Variants in CPLANE1 observed in about 807,000 individuals in gnomAD.
CPLANE1 encodes the protein ciliogenesis and planar polarity effector 1.
Under a neutral mutation model 362.5 loss-of-function variants are expected in CPLANE1, and 263 were observed. The observed-to-expected ratio is 0.73, with a 90% CI of 0.66 to 0.80. CPLANE1 has a LOEUF of 0.80. CPLANE1 is among the 30% of genes least tolerant of loss of function. CPLANE1 has a pLI of 0.00. For synonymous variants in CPLANE1, 1,212 were observed against 1,302.6 expected (o/e 0.93, Z 1.50); for missense variants, 3,461 against 3,793.4 (o/e 0.91, Z 2.30).
At chr5:37,192,940 A>C (rs1188384409) in intron 21 of CPLANE1, among the ~76,000 whole-genome samples, 7 of 149,762 alleles carry the variant, frequency 4.7e-5, no homozygotes, top group African/African-American at 1.7e-4. Flanking sequence ...AGGCCGAGGC[A>C]GGTGGATCAC....
At chr5:37,082,822 T>C in the CPLANE1 span, among the ~76,000 whole-genome samples, 1 of 151,132 alleles carries the variant, frequency 6.6e-6, no homozygotes, top group Non-Finnish European at 1.5e-5. Flanking sequence ...AAATAGACAT[T>C]AAGTCAAAAA....
At chr5:37,177,761 G>A in intron 29 of CPLANE1, 61 bp from the exon 30 acceptor site, 5 of 1,258,796 alleles carry the variant, frequency 4.0e-6, no homozygotes, top group Non-Finnish European at 5.7e-6. Flanking sequence ...TTACTGTCTT[G>A]AGTATTTTGA....
chr5:37,180,373 T>G (rs1474165140), intron 27 of CPLANE1, among the ~76,000 whole-genome samples, 190 bp from the exon 28 acceptor site: 2 of 152,138 alleles, frequency 1.3e-5, no homozygotes, highest in African/African-American at 2.4e-5. Flanking sequence ...TTATAAAATC[T>G]TTCTTTAAAA....
intron 32 of CPLANE1, 140 bp downstream of exon 32, chr5:37,173,614 CA>C (rs1196197554): frequency 2.7e-6 from 2 of 739,336 alleles, no homozygotes; most frequent in Non-Finnish European, 4.3e-6. Context: ...CAGTTATAAA[CA>C]TTTGAATGAA....
intron 41 of CPLANE1, among the ~76,000 whole-genome samples, chr5:37,156,944 G>C (rs1004865234): frequency 6.6e-6 from 1 of 152,054 alleles, no homozygotes; most frequent in African/African-American, 2.4e-5. Flanking sequence ...AATAAAAGTT[G>C]GGAAAAAAAG....
Position 37,142,428 on chromosome 5 carries a change from A to G in CPLANE1, c.8514T>C (p.Thr2838=), listed in dbSNP as rs760623510. The change falls in exon 44 of 53, where the codon ACT becomes ACC. Residue 2838 remains threonine (T), a synonymous_variant. Coordinates refer to ENST00000651892, the MANE Select transcript of CPLANE1 (RefSeq NM_001384732.1). ...CTGTTATTGAAAATTCAGGTTCTGAAGTCTCCTTTTTGTCACTTTGATCTT... is the reference window on the plus strand; with the variant it reads ...CTGTTATTGAAAATTCAGGTTCTGAGGTCTCCTTTTTGTCACTTTGATCTT... The part of the protein sequence containing the change: ...DEEDQSDKKE[T]SEPEFSITEN... The G allele has an allele frequency of 1.9e-5, 31 of 1,609,020 alleles. 1 individual carries two copies. The South Asian group carries it at 3.4e-4, about 18-fold the overall frequency.
At chr5:37,081,810 GA>G in the CPLANE1 span, among the ~76,000 whole-genome samples, 3 of 152,028 alleles carry the variant, frequency 2.0e-5, no homozygotes, top group African/African-American at 7.2e-5. Context: ...TCAAACTGCT[GA>G]AAATCAAAGA....
intron 29 of CPLANE1, among the ~76,000 whole-genome samples, chr5:37,178,829 G>C (rs1781936416): frequency 6.6e-6 from 1 of 152,040 alleles, no homozygotes; most frequent in Non-Finnish European, 1.5e-5. Context: ...GCACATTACA[G>C]CTCACTACAG....
chr5:37,198,951 G>GA lies in CPLANE1; in HGVS notation c.3508-86_3508-85insT, dbSNP rs35454300. ...AATGAAAATAAAGATAGGCTAATGA[G>GA]CTGAGCACAGTGGCTCACGCCTGTA... On this transcript the variant is annotated intron_variant, in intron 19 of 52. Coordinates refer to ENST00000651892, the MANE Select transcript of CPLANE1 (RefSeq NM_001384732.1). 36 of 1,189,894 alleles carry GA rather than the reference G, an allele frequency of 3.0e-5. No homozygotes were observed. In the African/African-American group the frequency reaches 1.1e-3, roughly 37 times the overall value. 73.7% of individuals were successfully genotyped at this position (1,189,894 alleles called of 1,614,324 possible).
chr5:37,096,707 G>T, the CPLANE1 span, among the ~76,000 whole-genome samples: 1 of 151,886 alleles, frequency 6.6e-6, no homozygotes, highest in East Asian at 1.9e-4. Flanking sequence ...AAATCAGCAA[G>T]AAAAAAGCAA....
At chr5:37,094,994 T>C in the CPLANE1 span, among the ~76,000 whole-genome samples, 2 of 152,336 alleles carry the variant, frequency 1.3e-5, no homozygotes, top group Admixed American at 6.5e-5. Context: ...AACAGAATTC[T>C]ACCAAACATT....
Position 37,106,555 on chromosome 5 carries a change from C to T in CPLANE1, c.*1047G>A. ...TTTAAATGACAAAACAATTAAATGA[C>T]AATTAACAATAATGTTAGCCTATAA... On this transcript the variant is annotated 3_prime_UTR_variant, in exon 53 of 53. Transcript: ENST00000651892. 2.3e-6 allele frequency: 1 copy of T among 433,304 alleles called. No homozygotes were observed. Among genetic ancestry groups the T allele is most frequent in the Non-Finnish European group, 3.1e-6 (1 of 325,170 alleles). 26.8% of individuals were successfully genotyped at this position (433,304 alleles called of 1,614,324 possible).
At chr5:37,248,510 CT>C (rs1740615975) in intron 1 of CPLANE1, among the ~76,000 whole-genome samples, 1 of 149,154 alleles carries the variant, frequency 6.7e-6, no homozygotes, top group African/African-American at 2.6e-5. Flanking sequence ...ACACAAAGAT[CT>C]ATCAAGATGC....
At position 37,107,199 on chromosome 5, in the gene CPLANE1, C is replaced by T; in HGVS notation, c.*403G>A. On this transcript the variant is annotated 3_prime_UTR_variant, in exon 53 of 53. Transcript: ENST00000651892. ...TCTCAGGTGAGACTGATTTTCTTCT[C>T]AATGAAAAGATTTTTTTTTTTCCTA... is the stretch of plus-strand genomic sequence containing the variant. The T allele has an allele frequency of 2.0e-6, 2 of 987,852 alleles. No homozygotes were observed. The highest frequency in any genetic ancestry group is 2.4e-6 in the Non-Finnish European group (2 of 831,594). The allele number at this position is 987,852 out of a possible 1,614,324, so 61.2% of individuals were successfully genotyped here.
At chr5:37,186,179 GGCAAAAATGCATA>G (rs1783929451) in intron 24 of CPLANE1, 94 bp downstream of exon 24, 1 of 609,124 alleles carries the variant, frequency 1.6e-6, no homozygotes, top group Non-Finnish European at 3.0e-6. Context: ...TCAAGGAAGA[GGCAAAAATGCATA>G]GACACATAAG....
At position 37,168,863 on chromosome 5, in the gene CPLANE1, G is replaced by T. The variant is rs777957964; in HGVS notation, c.7161C>A (p.Ile2387=). 1 of 1,614,024 alleles carries T rather than the reference G, an allele frequency of 6.2e-7. No homozygotes were observed. Among genetic ancestry groups the T allele is most frequent in the Non-Finnish European group, 8.5e-7 (1 of 1,179,924 alleles). The change falls in exon 34 of 53, where the codon ATC becomes ATA. Residue 2387 remains isoleucine (I), a synonymous_variant. Coordinates refer to ENST00000651892, the MANE Select transcript of CPLANE1 (RefSeq NM_001384732.1). ...RASITVPSTP[I]QPIAEERKYP... ...ATTTTCTTTCTTCTGCTATAGGTTGGATAGGTGTTGAGGGAACTGTAATAG... is the reference window on the plus strand; with the variant it reads ...ATTTTCTTTCTTCTGCTATAGGTTGTATAGGTGTTGAGGGAACTGTAATAG...
At chr5:37,236,845 T>C (rs890002324) in intron 8 of CPLANE1, among the ~76,000 whole-genome samples, 3 of 150,562 alleles carry the variant, frequency 2.0e-5, no homozygotes, top group Admixed American at 6.6e-5. Flanking sequence ...ATCAGAGAAA[T>C]GCAAATTAAA....
In CPLANE1 at chr5:37,106,705, G is replaced by A. The variant is rs369092543; in HGVS notation, c.*897C>T. 4 of 399,982 alleles carry A rather than the reference G, an allele frequency of 1.0e-5. No homozygotes were observed. In the East Asian group the frequency reaches 4.8e-4, roughly 48 times the overall value. The allele number at this position is 399,982 out of a possible 1,614,324, so 24.8% of individuals were successfully genotyped here. A position where few individuals can be genotyped will look rare whatever the true frequency, so the allele number is the denominator to read the frequency against. On this transcript the variant is annotated 3_prime_UTR_variant, in exon 53 of 53. Coordinates refer to ENST00000651892, the MANE Select transcript of CPLANE1 (RefSeq NM_001384732.1). ...TACCTGCTTCTGCATTCAACTTGCTGCAATACATGTTGTAAAACCTGGCTT... is the reference window on the plus strand; with the variant it reads ...TACCTGCTTCTGCATTCAACTTGCTACAATACATGTTGTAAAACCTGGCTT...
intron 51 of CPLANE1, among the ~76,000 whole-genome samples, chr5:37,111,610 T>G (rs972292848): frequency 2.6e-5 from 4 of 152,232 alleles, no homozygotes; most frequent in African/African-American, 9.6e-5. Flanking sequence ...TAGGGATTTT[T>G]CTTTTGACTA....
Sources: allele counts gnomAD v4.1 joint callset (sites outside exome capture counted in the v4.1 genomes callset), GRCh38; gene constraint gnomAD v4.1.1; transcripts MANE v1.5; gene names NCBI Gene and HGNC (gene_info 2026-07-23, HGNC 2026-07-21).